The following KDM4C variants were observed in gnomAD, a reference collection of about 807,000 sequenced individuals.
KDM4C encodes lysine-specific demethylase 4C.
KDM4C carries 81 observed loss-of-function variants against 129.3 expected under a neutral mutation model. The observed-to-expected ratio is 0.63, with a 90% CI of 0.52 to 0.75. KDM4C has a LOEUF of 0.75. Among genes scored for constraint, KDM4C ranks in the 30% least tolerant of loss-of-function variants. The pLI is 0.00. For synonymous variants in KDM4C, 573 were observed against 456.1 expected (o/e 1.26, Z -3.26); for missense variants, 1,457 against 1,304.0 (o/e 1.12, Z -1.81).
At chr9:6,985,883 G>T (rs966382866) in intron 10 of KDM4C, among the ~76,000 whole-genome samples, 2 of 152,156 alleles carry the variant, frequency 1.3e-5, no homozygotes, top group African/African-American at 2.4e-5. Flanking sequence ...TAGAGCTGGG[G>T]TTTCGCCGTG....
chr9:6,857,074 G>A (rs913817672), intron 5 of KDM4C, among the ~76,000 whole-genome samples: 3 of 152,056 alleles, frequency 2.0e-5, no homozygotes, highest in Non-Finnish European at 4.4e-5. Flanking sequence ...TCCTAGGCTG[G>A]TTTTACACTC....
chr9:6,732,877 G>T (rs904800123), intron 1 of KDM4C, among the ~76,000 whole-genome samples: 1 of 152,198 alleles, frequency 6.6e-6, no homozygotes, highest in Non-Finnish European at 1.5e-5. Context: ...GCTGGACGTG[G>T]TGGCACACGC....
At chr9:6,979,554 C>T (rs1172096636) in intron 8 of KDM4C, among the ~76,000 whole-genome samples, 1 of 152,028 alleles carries the variant, frequency 6.6e-6, no homozygotes, top group Admixed American at 6.6e-5. Context: ...CCCTTAATGC[C>T]AGGCTCATAA....
chr9:6,787,279 C>G (rs1825686581), intron 1 of KDM4C, among the ~76,000 whole-genome samples: 1 of 152,216 alleles, frequency 6.6e-6, no homozygotes, highest in South Asian at 2.1e-4. Flanking sequence ...GTTGCCCAGG[C>G]TAGAGTGCAG....
intron 8 of KDM4C, among the ~76,000 whole-genome samples, chr9:6,912,938 G>A (rs545547312): frequency 1.2e-4 from 18 of 151,586 alleles, no homozygotes; most frequent in Non-Finnish European, 2.2e-4. Flanking sequence ...GGAGTTTTTC[G>A]TATGGTACCT....
chr9:7,074,872 A>G lies in KDM4C; in HGVS notation c.2424+25672A>G, dbSNP rs562920275. 5.8e-4 allele frequency among the ~76,000 whole-genome samples: 89 copies of G among 152,296 alleles called. No individual in the cohort carries two copies. The South Asian group carries it at 0.017, about 28-fold the overall frequency. On this transcript the variant is annotated intron_variant, in intron 17 of 21. Transcript: ENST00000381309. Reference sequence around the variant, plus strand: ...CTGTATATCTGAATGCACATTTTACATGAAAAGGTATGTATTCTATTTGAA... The same window carrying G: ...CTGTATATCTGAATGCACATTTTACGTGAAAAGGTATGTATTCTATTTGAA...
chr9:6,853,847 G>A (rs1213841388), intron 5 of KDM4C, among the ~76,000 whole-genome samples: 1 of 152,094 alleles, frequency 6.6e-6, no homozygotes, highest in Non-Finnish European at 1.5e-5. Context: ...ATGACTTAGG[G>A]CAAATCACTA....
chr9:6,750,453 A>AAG (rs576713669), intron 1 of KDM4C, among the ~76,000 whole-genome samples: 6 of 150,468 alleles, frequency 4.0e-5, no homozygotes, highest in Admixed American at 6.6e-5. Context: ...AAAAAAAAAA[A>AAG]GCTCTTCACG....
chr9:7,170,742 A>G (rs7040123), intron 21 of KDM4C: 38,459 of 982,140 alleles, frequency 0.039, 956 homozygotes, highest in African/African-American at 0.1. Flanking sequence ...GTGAGTGCTT[A>G]TGATATACTT....
chr9:7,167,667 A>C (rs919442969), intron 20 of KDM4C, among the ~76,000 whole-genome samples: 1 of 152,236 alleles, frequency 6.6e-6, no homozygotes, highest in South Asian at 2.1e-4. Flanking sequence ...CGTGGATAAT[A>C]ATACGTTCAA....
rs140320770 is a variant in KDM4C at position 7,118,502 on chromosome 9, T to G, written c.2611-9564T>G. 4.8e-4 allele frequency among the ~76,000 whole-genome samples: 73 copies of G among 152,340 alleles called. 4 individuals are homozygous for G. In the East Asian group the frequency reaches 9.8e-3, roughly 20 times the overall value. The stretch of plus-strand genomic sequence containing the variant: ...CTGCATACCTTTGGTAAACGAAGAA[T>G]AGTTTGTATTGATTTATTTATTGCA... On this transcript the variant is annotated intron_variant, in intron 18 of 21. Transcript: ENST00000381309.
intron 2 of KDM4C, among the ~76,000 whole-genome samples, chr9:6,801,135 T>G (rs542392362): frequency 6.6e-6 from 1 of 152,184 alleles, no homozygotes; most frequent in South Asian, 2.1e-4. Context: ...GACGCTTGAC[T>G]TGAGTTTCAG....
intron 15 of KDM4C, among the ~76,000 whole-genome samples, chr9:7,024,964 T>C (rs1825562092): frequency 6.6e-6 from 1 of 152,206 alleles, no homozygotes; most frequent in African/African-American, 2.4e-5. Flanking sequence ...TGTAAAAGTG[T>C]TCCTATTTCT....
At chr9:6,732,727 T>C (rs1252726024) in intron 1 of KDM4C, among the ~76,000 whole-genome samples, 1 of 152,022 alleles carries the variant, frequency 6.6e-6, no homozygotes, top group African/African-American at 2.4e-5. Flanking sequence ...TACCACCACG[T>C]GGTGGCTGGG....
chr9:6,824,970 C>A (rs1344909075), intron 4 of KDM4C, among the ~76,000 whole-genome samples: 1 of 151,702 alleles, frequency 6.6e-6, no homozygotes, highest in Admixed American at 6.6e-5. Context: ...ATGGTGAAAC[C>A]CCATCTCTAC....
chr9:6,956,245 G>A (rs1353764903), intron 8 of KDM4C, among the ~76,000 whole-genome samples: 2 of 152,174 alleles, frequency 1.3e-5, no homozygotes, highest in Non-Finnish European at 2.9e-5. Flanking sequence ...TCTACTTCAA[G>A]AGTGTAATTG....
chr9:7,121,817 A>G (rs945512135), intron 18 of KDM4C, among the ~76,000 whole-genome samples: 21 of 152,088 alleles, frequency 1.4e-4, no homozygotes, highest in African/African-American at 4.6e-4. Context: ...TTAAAAAAAA[A>G]AAAGGAAATG....
In KDM4C at chr9:7,139,388, A is replaced by G. The variant is rs193091621; in HGVS notation, c.2781+11152A>G. ...TGAATCATCTAAAGCAGCTTCTTTG[A>G]TTTACACCATAAAAGAAAGTGACTG... On this transcript the variant is annotated intron_variant, in intron 19 of 21. Transcript: ENST00000381309. Among the ~76,000 whole-genome samples, 8 of 152,322 alleles carry G rather than the reference A, an allele frequency of 5.3e-5. No homozygotes were observed. In the East Asian group the frequency reaches 1.5e-3, roughly 29 times the overall value.
At chr9:6,985,000 T>C (rs1237739640) in intron 10 of KDM4C, among the ~76,000 whole-genome samples, 1 of 152,202 alleles carries the variant, frequency 6.6e-6, no homozygotes, top group Non-Finnish European at 1.5e-5. Flanking sequence ...TGTATTGTAA[T>C]AAGCTAATTC....
Sources: gnomAD v4.1 joint callset for allele counts (sites outside exome capture counted in the v4.1 genomes callset) on GRCh38, gnomAD v4.1.1 for gene constraint, MANE v1.5 for transcripts, NCBI Gene and HGNC (gene_info 2026-07-23, HGNC 2026-07-21) for gene names.